SSR1: variants seen among roughly 807,000 people sequenced by gnomAD.
The protein encoded by SSR1 is translocon-associated protein subunit alpha.
SSR1 carries 13 observed loss-of-function variants against 36.1 expected under a neutral mutation model. That is an observed-to-expected ratio of 0.36 (90% CI 0.23 to 0.57). The LOEUF is 0.57. SSR1 is among the 20% of genes least tolerant of loss of function. The probability of loss-of-function intolerance (pLI) is 0.81; values close to 1 mark genes in which losing one functional copy is unlikely to be tolerated. For missense variants in SSR1, 291 were observed against 338.5 expected (o/e 0.86, Z 1.10); for synonymous variants, 113 against 118.9 (o/e 0.95, Z 0.32).
chr6:7,291,653 T>C (rs967280267), intron 7 of SSR1, among the ~76,000 whole-genome samples: 1 of 149,610 alleles, frequency 6.7e-6, no homozygotes, highest in African/African-American at 2.5e-5. Flanking sequence ...TAGGAACTAC[T>C]GCCCTTACAG....
In SSR1 at chr6:7,283,910, C is replaced by T. The variant is rs56126063; in HGVS notation, c.*5954G>A. On this transcript the variant is annotated 3_prime_UTR_variant, in exon 8 of 8. Coordinates refer to ENST00000244763, the MANE Select transcript of SSR1 (RefSeq NM_003144.5). ...GTGAGGAGTGAGTGCCTCTGTGCTC[C>T]TTGAGGCTGTTTCATTACAGATAAC... is the stretch of plus-strand genomic sequence containing the variant. 13,908 of 152,206 alleles carry T rather than the reference C, an allele frequency of 0.091. 986 individuals are homozygous for T. Among genetic ancestry groups the T allele is most frequent in the East Asian group, 0.33 (1,715 of 5,160 alleles). The allele number at this position is 152,206 out of a possible 1,614,324, so 9.4% of individuals were successfully genotyped here. A position where few individuals can be genotyped will look rare whatever the true frequency, so the allele number is the denominator to read the frequency against.
At position 7,283,024 on chromosome 6, in the gene SSR1, CCAGA is replaced by C. The variant is rs1402267236; in HGVS notation, c.*6836_*6839del. The C allele has an allele frequency of 2.6e-5, 4 of 152,198 alleles. No individual in the cohort carries two copies. Among genetic ancestry groups the C allele is most frequent in the Admixed American group, 6.5e-5 (1 of 15,276 alleles). The allele number at this position is 152,198 out of a possible 1,614,324, so 9.4% of individuals were successfully genotyped here. A position where few individuals can be genotyped will look rare whatever the true frequency, so the allele number is the denominator to read the frequency against. ...CTGGTCCTTTTAGGAGAGCCATTTTCCAGACAGTCTTGTCTTTATTTATTTATTT... is the reference window on the plus strand; with the variant it reads ...CTGGTCCTTTTAGGAGAGCCATTTTCCAGTCTTGTCTTTATTTATTTATTT... On this transcript the variant is annotated 3_prime_UTR_variant, in exon 8 of 8. Transcript: ENST00000244763.
chr6:7,306,180 T>C (rs1173272014), intron 2 of SSR1, among the ~76,000 whole-genome samples: 1 of 152,110 alleles, frequency 6.6e-6, no homozygotes, highest in East Asian at 1.9e-4. Flanking sequence ...CAGGCTGGAG[T>C]GTAGTGGAGT....
intron 7 of SSR1, among the ~76,000 whole-genome samples, chr6:7,292,545 CTTTCT>C (rs1561829626): frequency 3.8e-5 from 5 of 130,804 alleles, no homozygotes; most frequent in Admixed American, 3.0e-4. Context: ...CTAATTTTTC[CTTTCT>C]TTTCTTTTTT....
intron 4 of SSR1, 47 bp from the exon 5 acceptor site, chr6:7,298,870 G>A: frequency 6.8e-7 from 1 of 1,460,464 alleles, no homozygotes; most frequent in Non-Finnish European, 9.6e-7. Context: ...TGCAATAAAG[G>A]AAGTAAAACA....
chr6:7,301,471 G>C lies in SSR1; in HGVS notation c.382C>G (p.Gln128Glu). ...TTCTGGATATAAAACTGGTAGTCCT[G>C]AGGATAACGGAATGAGGCATCTAAG... is the stretch of plus-strand genomic sequence containing the variant. ...ESLDASFRYP[Q>E]DYQFYIQNFT... is the part of the protein sequence containing the mutation. Residue 128 changes from glutamine (Q) to glutamate (E), a missense_variant, in exon 4 of 8, where the codon CAG (glutamine) becomes GAG (glutamate). Gln to Glu is a conservative substitution (Grantham distance 29, BLOSUM62 2). Coordinates refer to ENST00000244763, the MANE Select transcript of SSR1 (RefSeq NM_003144.5). The C allele has an allele frequency of 6.2e-7, 1 of 1,614,156 alleles. No individual in the cohort carries two copies. Among genetic ancestry groups the C allele is most frequent in the Non-Finnish European group, 8.5e-7 (1 of 1,180,040 alleles).
rs1157235580 is a variant in SSR1, at chr6:7,281,331, C to T, written c.*8533G>A. 1 of 152,134 alleles carries T rather than the reference C, an allele frequency of 6.6e-6. No homozygotes were observed. The highest frequency in any genetic ancestry group is 1.5e-5 in the Non-Finnish European group (1 of 68,026). 9.4% of individuals were successfully genotyped at this position (152,134 alleles called of 1,614,324 possible). A position where few individuals can be genotyped will look rare whatever the true frequency, so the allele number is the denominator to read the frequency against. On this transcript the variant is annotated 3_prime_UTR_variant, in exon 8 of 8. Coordinates refer to ENST00000244763, the MANE Select transcript of SSR1 (RefSeq NM_003144.5). ...ATAACAGAAATGTTTCTCAAAGCTG[C>T]ACAAGAATTTTAAGGATTCATGACC...
In SSR1 at chr6:7,289,865, T is replaced by C; in HGVS notation, c.860A>G (p.Ter287=). Residue 287 remains the stop codon, a stop_retained_variant, in exon 8 of 8, where the codon TAA becomes TGA. Coordinates refer to ENST00000244763, the MANE Select transcript of SSR1 (RefSeq NM_003144.5). The part of the protein sequence containing the change: ...AQKRSVGSDE[*] ...CCGAATTGTTGCACAAAGGAACATT[T>C]ACTCATCAGATCCCACTGATCTCTT... 3.2e-6 allele frequency: 5 copies of C among 1,568,396 alleles called. No individual in the cohort carries two copies. Among genetic ancestry groups the C allele is most frequent in the Non-Finnish European group, 4.3e-6 (5 of 1,164,238 alleles).
chr6:7,301,526 G>A lies in SSR1; in HGVS notation c.327C>T (p.Asn109=). The change falls in exon 4 of 8, where the codon AAC becomes AAT. Residue 109 remains asparagine (N), a synonymous_variant. Transcript: ENST00000244763. ...NIVKFLVGFT[N]KGTEDFIVES... ...CAACAATAAAATCTTCTGTACCCTT[G>A]TTGGTAAAGCCTACCAGGAACTTCA... The A allele has an allele frequency of 6.2e-7, 1 of 1,613,826 alleles. No homozygotes were observed. The highest frequency in any genetic ancestry group is 8.5e-7 in the Non-Finnish European group (1 of 1,179,990).
chr6:7,298,735 A>G lies in SSR1; in HGVS notation c.620+12T>C. ...GCAAAATCAAGATCTACATACTACA[A>G]CTTTCACTTACGTTTCTCCATCTAA... On this transcript the variant is annotated intron_variant, in intron 5 of 7. Transcript: ENST00000244763. 1 of 1,604,780 alleles carries G rather than the reference A, an allele frequency of 6.2e-7. No individual in the cohort carries two copies. The highest frequency in any genetic ancestry group is 1.3e-5 in the African/African-American group (1 of 74,874).
At chr6:7,291,365 T>C (rs1757675803) in intron 7 of SSR1, among the ~76,000 whole-genome samples, 1 of 152,142 alleles carries the variant, frequency 6.6e-6, no homozygotes, top group Admixed American at 6.6e-5. Flanking sequence ...ACCACTGCAC[T>C]GCAGCCTGGG....
Position 7,303,071 on chromosome 6 carries a change from G to A in SSR1, c.280+479C>T, listed in dbSNP as rs774000798. ...GAATCGCTTGAAACCGGGAGGCCTC[G>A]GAGGTTGCAGTGAGCCGAGATCATA... is the stretch of plus-strand genomic sequence containing the variant. On this transcript the variant is annotated intron_variant, in intron 3 of 7. Transcript: ENST00000244763. Among the ~76,000 whole-genome samples, 8 of 141,472 alleles carry A rather than the reference G, an allele frequency of 5.7e-5. 1 individual carries two copies. Among genetic ancestry groups the A allele is most frequent in the Non-Finnish European group, 3.1e-5 (2 of 65,274 alleles). 92.8% of individuals were successfully genotyped at this position (141,472 alleles called of 152,430 possible). A position where few individuals can be genotyped will look rare whatever the true frequency, so the allele number is the denominator to read the frequency against.
chr6:7,303,839 T>C (rs1164928562), intron 2 of SSR1, among the ~76,000 whole-genome samples: 1 of 152,052 alleles, frequency 6.6e-6, no homozygotes, highest in Non-Finnish European at 1.5e-5. Context: ...ATACAAAAAT[T>C]AGCCAGGTGT....
intron 2 of SSR1, 67 bp from the exon 3 acceptor site, chr6:7,303,704 G>C: frequency 2.2e-6 from 3 of 1,334,850 alleles, no homozygotes; most frequent in Non-Finnish European, 3.2e-6. Flanking sequence ...TAAAAATAAA[G>C]ATTTGGCCGG....
intron 1 of SSR1, among the ~76,000 whole-genome samples, chr6:7,310,847 G>A (rs555825352): frequency 4.7e-4 from 72 of 152,162 alleles, no homozygotes; most frequent in Non-Finnish European, 9.1e-4. Context: ...GGAGGCAGAA[G>A]TTGCAGTGAG....
At chr6:7,310,221 T>C (rs1758159867) in intron 1 of SSR1, among the ~76,000 whole-genome samples, 192 bp from the exon 2 acceptor site, 1 of 138,040 alleles carries the variant, frequency 7.2e-6, no homozygotes, top group African/African-American at 2.9e-5. Context: ...CAACTGCATA[T>C]CAATTTTTTT....
At chr6:7,310,814 G>A (rs9392144) in intron 1 of SSR1, among the ~76,000 whole-genome samples, 20,164 of 152,160 alleles carry the variant, frequency 0.13, 1,870 homozygotes, top group African/African-American at 0.27. Context: ...CAGAGGCTGA[G>A]GCAGGAGAAT....
Position 7,289,588 on chromosome 6 carries a change from A to G in SSR1, c.*276T>C. On this transcript the variant is annotated 3_prime_UTR_variant, in exon 8 of 8. Coordinates refer to ENST00000244763, the MANE Select transcript of SSR1 (RefSeq NM_003144.5). ...AGTATTCTAAAGACTTGTTTCAGGT[A>G]GTTCAACAATGATTCTGGTAAGACC... 1 of 438,656 alleles carries G rather than the reference A, an allele frequency of 2.3e-6. No homozygotes were observed. Among genetic ancestry groups the G allele is most frequent in the South Asian group, 3.7e-5 (1 of 26,772 alleles). The allele number at this position is 438,656 out of a possible 1,614,324, so 27.2% of individuals were successfully genotyped here.
intron 6 of SSR1, chr6:7,296,939 G>A: frequency 6.3e-6 from 1 of 157,544 alleles, no homozygotes; most frequent in Non-Finnish European, 1.4e-5. Flanking sequence ...TATTAACGCA[G>A]GCTGAGTGTG....
Sources: gnomAD v4.1 joint callset for allele counts (sites outside exome capture counted in the v4.1 genomes callset) on GRCh38, gnomAD v4.1.1 for gene constraint, MANE v1.5 for transcripts, NCBI Gene and HGNC (gene_info 2026-07-23, HGNC 2026-07-21) for gene names.